CRBN: variants seen among roughly 807,000 people sequenced by gnomAD.
CRBN encodes the protein protein cereblon.
Under a neutral mutation model 62.2 loss-of-function variants are expected in CRBN, and 53 were observed. That is an observed-to-expected ratio of 0.85 (90% confidence interval 0.68 to 1.07). CRBN has a LOEUF of 1.07. CRBN is among the 50% of genes least tolerant of loss of function. The pLI, the probability that CRBN is intolerant of heterozygous loss-of-function variation, is 0.00. For synonymous variants in CRBN, 208 were observed against 176.1 expected (o/e 1.18, Z -1.43); for missense variants, 616 against 531.1 (o/e 1.16, Z -1.57).
At chr3:3,163,971 TATG>T (rs1361785726) in intron 5 of CRBN, among the ~76,000 whole-genome samples, 10 of 152,216 alleles carry the variant, frequency 6.6e-5, no homozygotes, top group Admixed American at 2.0e-4. Flanking sequence ...TTATATCTGT[TATG>T]ATGATTTGTG....
chr3:3,156,711 C>CA (rs1202154687), intron 5 of CRBN: 1 of 170,632 alleles, frequency 5.9e-6, no homozygotes, highest in Non-Finnish European at 1.3e-5. Flanking sequence ...ACTATAAGGG[C>CA]AAACATTAAG....
At chr3:3,168,242 AAAGG>A (rs1707432533) in intron 4 of CRBN, among the ~76,000 whole-genome samples, 1 of 152,174 alleles carries the variant, frequency 6.6e-6, no homozygotes, top group Non-Finnish European at 1.5e-5. Context: ...CTAAGTAGAG[AAAGG>A]AAGAGAAAAA....
intron 10 of CRBN, among the ~76,000 whole-genome samples, 177 bp from the exon 11 acceptor site, chr3:3,151,222 A>C (rs1449462794): frequency 6.6e-6 from 1 of 152,188 alleles, no homozygotes; most frequent in Non-Finnish European, 1.5e-5. Context: ...ACATTTTCTA[A>C]TTTTGTAATA....
At chr3:3,172,447 CA>C (rs1394385543) in intron 4 of CRBN, 2 of 325,994 alleles carry the variant, frequency 6.1e-6, no homozygotes, top group Non-Finnish European at 1.2e-5. Flanking sequence ...AAATCCCAAA[CA>C]ACACTTCCCT....
At chr3:3,161,578 G>A (rs1381827057) in intron 5 of CRBN, among the ~76,000 whole-genome samples, 2 of 152,040 alleles carry the variant, frequency 1.3e-5, no homozygotes, top group Non-Finnish European at 1.5e-5. Context: ...TAGTAGAGAC[G>A]GGGTTTCACC....
chr3:3,162,328 G>A (rs1014197898), intron 5 of CRBN, among the ~76,000 whole-genome samples: 4 of 151,570 alleles, frequency 2.6e-5, no homozygotes, highest in Non-Finnish European at 1.5e-5. Flanking sequence ...TTTTTTTTGA[G>A]GAGGATTTTT....
At chr3:3,168,521 T>C (rs192077751) in intron 4 of CRBN, among the ~76,000 whole-genome samples, 4 of 152,306 alleles carry the variant, frequency 2.6e-5, no homozygotes, top group East Asian at 3.9e-4. Flanking sequence ...CTGTGAGGCA[T>C]TCTATCTCTT....
At chr3:3,164,933 C>A (rs1253537263) in intron 5 of CRBN, among the ~76,000 whole-genome samples, 1 of 152,160 alleles carries the variant, frequency 6.6e-6, no homozygotes, top group Non-Finnish European at 1.5e-5. Flanking sequence ...GAAAAAGAGT[C>A]ACCATTCTAG....
rs189273951 is a variant in CRBN, at chr3:3,157,890, T to C, written c.688-1609A>G. Among the ~76,000 whole-genome samples, 47 of 152,360 alleles carry C rather than the reference T, an allele frequency of 3.1e-4. No individual in the cohort carries two copies. In the East Asian group the frequency reaches 4.0e-3, roughly 13 times the overall value. On this transcript the variant is annotated intron_variant, in intron 5 of 10. Coordinates refer to ENST00000231948, the MANE Select transcript of CRBN (RefSeq NM_016302.4). ...AAAGGGAATGTCTTGTTACCAGAGA[T>C]GTTCAGTTTAGAGCTGTCTCTCAAG...
intron 10 of CRBN, among the ~76,000 whole-genome samples, chr3:3,151,713 C>G (rs141771761): frequency 6.6e-6 from 1 of 152,290 alleles, no homozygotes; most frequent in African/African-American, 2.4e-5. Flanking sequence ...ATACATAGTC[C>G]TAACCCCAGA....
rs1157641834 is a variant in CRBN, at chr3:3,167,765, G to A, written c.556C>T (p.Pro186Ser). 1.9e-6 allele frequency: 3 copies of A among 1,613,414 alleles called. No homozygotes were observed. The African/African-American group carries it at 4.0e-5, about 22-fold the overall frequency. The change falls in exon 5 of 11, where the codon CCC (proline) becomes TCC (serine). Residue 186 changes from proline to serine, a missense_variant. By Grantham distance (74) the Pro-to-Ser change is moderately conservative. Transcript: ENST00000231948. The part of the protein sequence containing the change: ...GIQQAKVQIL[P>S]ECVLPSTMSA... ...ATGGTTGAAGGCAACACACATTCGG[G>A]AAGAATTTGCACTTTAGCTTGCTGG...
intron 4 of CRBN, among the ~76,000 whole-genome samples, chr3:3,171,786 C>T (rs1256479127): frequency 6.6e-6 from 1 of 152,250 alleles, no homozygotes; most frequent in Non-Finnish European, 1.5e-5. Flanking sequence ...TAATCCCCCA[C>T]CCCGCCCAAA....
At chr3:3,162,382 T>C (rs548201985) in intron 5 of CRBN, among the ~76,000 whole-genome samples, 2 of 151,972 alleles carry the variant, frequency 1.3e-5, no homozygotes, top group East Asian at 1.9e-4. Flanking sequence ...AACCAGTGAA[T>C]AGAGAAAGGC....
chr3:3,160,913 GGTA>G (rs1707115039), intron 5 of CRBN, among the ~76,000 whole-genome samples: 1 of 152,188 alleles, frequency 6.6e-6, no homozygotes, highest in South Asian at 2.1e-4. Context: ...TTCAAAAAGT[GGTA>G]GTAGGACAAT....
intron 5 of CRBN, among the ~76,000 whole-genome samples, chr3:3,159,542 C>T (rs780795357): frequency 9.2e-5 from 14 of 152,198 alleles, no homozygotes; most frequent in Non-Finnish European, 1.9e-4. Context: ...AAATGTGGCA[C>T]ACTAGCATAT....
chr3:3,166,477 T>C (rs1160193304), intron 5 of CRBN, among the ~76,000 whole-genome samples: 2 of 152,158 alleles, frequency 1.3e-5, no homozygotes, highest in African/African-American at 2.4e-5. Flanking sequence ...CTAATACAGC[T>C]ACACAAAAGC....
intron 1 of CRBN, among the ~76,000 whole-genome samples, chr3:3,176,540 A>C (rs771481095): frequency 4.6e-5 from 7 of 152,190 alleles, no homozygotes; most frequent in Non-Finnish European, 7.3e-5. Flanking sequence ...GTTCAAGACC[A>C]GCCTGGCCAA....
rs942836782 is a variant in CRBN, at chr3:3,171,254, A to T, written c.527+1522T>A. On this transcript the variant is annotated intron_variant, in intron 4 of 10. Coordinates refer to ENST00000231948, the MANE Select transcript of CRBN (RefSeq NM_016302.4). ...GAGAAATATACTTTTCCCCAAGTCAATTTTCCTTAATGATTTCTATAAAAG... is the reference window on the plus strand; with the variant it reads ...GAGAAATATACTTTTCCCCAAGTCATTTTTCCTTAATGATTTCTATAAAAG... 2.0e-5 allele frequency among the ~76,000 whole-genome samples: 3 copies of T among 152,288 alleles called. No individual in the cohort carries two copies. The South Asian group carries it at 6.2e-4, about 32-fold the overall frequency.
intron 6 of CRBN, chr3:3,155,040 C>T (rs1575082874): frequency 1.7e-6 from 1 of 587,920 alleles, no homozygotes; most frequent in South Asian, 2.0e-5. Context: ...CCTTTTCTCA[C>T]TCACTGTCTT....
Sources: gnomAD v4.1 joint callset for allele counts (sites outside exome capture counted in the v4.1 genomes callset) on GRCh38, gnomAD v4.1.1 for gene constraint, MANE v1.5 for transcripts, NCBI Gene and HGNC (gene_info 2026-07-23, HGNC 2026-07-21) for gene names.